AFF1: variants seen among roughly 807,000 people sequenced by gnomAD.
AFF1 encodes the protein AF4/FMR2 family member 1.
A neutral mutation model predicts 121.7 loss-of-function variants in AFF1; 48 were observed. The observed-to-expected ratio is 0.39, with a 90% CI of 0.31 to 0.50. The LOEUF is 0.50. Among genes scored for constraint, AFF1 ranks in the 20% least tolerant of loss-of-function variants. The pLI, the probability that AFF1 is intolerant of heterozygous loss-of-function variation, is 0.76. For synonymous variants in AFF1, 613 were observed against 563.0 expected, an observed-to-expected ratio of 1.09 and a Z score of -1.26; for missense variants, 1,523 against 1,511.7, an observed-to-expected ratio of 1.01 and a Z score of -0.12.
chr4:87,110,637 TA>T (rs963973376), intron 11 of AFF1, among the ~76,000 whole-genome samples: 3 of 151,856 alleles, frequency 2.0e-5, no homozygotes, highest in African/African-American at 4.8e-5. Context: ...ATGCTCTTTT[TA>T]AAAAAAAATT....
intron 2 of AFF1, among the ~76,000 whole-genome samples, chr4:87,025,187 A>G (rs1458669516): frequency 6.6e-6 from 1 of 152,200 alleles, no homozygotes; most frequent in Admixed American, 6.5e-5. Context: ...GGGGCACCAA[A>G]GCCTGTGCTC....
intron 2 of AFF1, among the ~76,000 whole-genome samples, chr4:86,991,718 C>G (rs1724737938): frequency 6.6e-6 from 1 of 151,578 alleles, no homozygotes; most frequent in Non-Finnish European, 1.5e-5. Context: ...TTAACTACAT[C>G]TTTAGTGTGG....
Position 87,114,498 on chromosome 4 carries a change from C to T in AFF1, c.1665C>T (p.Ser555=), listed in dbSNP as rs1726872578. Residue 555 remains serine (S), a synonymous_variant, in exon 12 of 21, where the codon AGC becomes AGT. Coordinates refer to ENST00000395146, the MANE Select transcript of AFF1 (RefSeq NM_001166693.3). ...PRRHPESKGS[S]DSATSQEHSE... ...GGCACCCAGAGAGTAAGGGCAGCAG[C>T]GACAGTGCCACGAGTCAGGAGCATT... 16 of 1,613,692 alleles carry T rather than the reference C, an allele frequency of 9.9e-6. No individual in the cohort carries two copies. Among genetic ancestry groups the T allele is most frequent in the Non-Finnish European group, 1.3e-5 (15 of 1,179,968 alleles).
At position 87,046,708 on chromosome 4, in the gene AFF1, A is replaced by G; in HGVS notation, c.173A>G (p.Asp58Gly). The part of the protein sequence containing the change: ...FGEPYKTAKG[D>G]ELSSRIQNML... ...CTTTTTTTTCAGACAGCAAAAGGTG[A>G]TGAGCTGTCTAGTCGAATACAGAAC... The change falls in exon 4 of 21, where the codon GAT (aspartate) becomes GGT (glycine). Residue 58 changes from aspartate to glycine, a missense_variant. This residue lies in a region of AFF1 where 369 missense variants were observed against 367.2 expected (regional missense o/e 1.00). Coordinates refer to ENST00000395146, the MANE Select transcript of AFF1 (RefSeq NM_001166693.3). The G allele has an allele frequency of 6.2e-7, 1 of 1,608,706 alleles. No homozygotes were observed. Among genetic ancestry groups the G allele is most frequent in the Non-Finnish European group, 8.5e-7 (1 of 1,175,980 alleles).
Position 87,039,543 on chromosome 4 carries a change from T to A in AFF1, c.39-6623T>A, listed in dbSNP as rs186992612. Among the ~76,000 whole-genome samples the A allele has an allele frequency of 9.2e-5, 14 of 152,348 alleles. No homozygotes were observed. In the East Asian group the frequency reaches 2.1e-3, roughly 23 times the overall value. On this transcript the variant is annotated intron_variant, in intron 2 of 20. Coordinates refer to ENST00000395146, the MANE Select transcript of AFF1 (RefSeq NM_001166693.3). ...CCCCCTTTCATGGCTTGAGTGTTTA[T>A]GTTCTGCAGGTGAGTTTTCACATGT...
At chr4:87,051,644 T>C (rs1731274379) in intron 4 of AFF1, among the ~76,000 whole-genome samples, 1 of 151,884 alleles carries the variant, frequency 6.6e-6, no homozygotes, top group South Asian at 2.1e-4. Flanking sequence ...GTGTATATAT[T>C]TTTTTATTCG....
At chr4:86,979,710 G>T (rs1461192251) in intron 2 of AFF1, among the ~76,000 whole-genome samples, 1 of 152,140 alleles carries the variant, frequency 6.6e-6, no homozygotes, top group Non-Finnish European at 1.5e-5. Flanking sequence ...ATCATATCTT[G>T]TCTATCGGAG....
At chr4:86,995,615 T>C (rs1199819158) in intron 2 of AFF1, among the ~76,000 whole-genome samples, 1 of 149,550 alleles carries the variant, frequency 6.7e-6, no homozygotes, top group African/African-American at 2.5e-5. Flanking sequence ...CACTCAGTGC[T>C]CAATGGTGCC....
At chr4:87,045,736 G>A (rs571409855) in intron 2 of AFF1, among the ~76,000 whole-genome samples, 11 of 152,188 alleles carry the variant, frequency 7.2e-5, no homozygotes, top group African/African-American at 2.6e-4. Context: ...CAAAATGTAC[G>A]CTACTGATCC....
chr4:86,969,274 C>T (rs919375564), intron 2 of AFF1, among the ~76,000 whole-genome samples: 1 of 151,270 alleles, frequency 6.6e-6, no homozygotes, highest in African/African-American at 2.4e-5. Flanking sequence ...GTCAGGAGAT[C>T]AAGACCCATC....
At chr4:87,062,677 C>T (rs1403870437) in intron 4 of AFF1, among the ~76,000 whole-genome samples, 1 of 152,102 alleles carries the variant, frequency 6.6e-6, no homozygotes, top group Non-Finnish European at 1.5e-5. Context: ...TTTAAACATT[C>T]ATCAGCATAC....
At position 87,135,848 on chromosome 4, in the gene AFF1, TCAA is replaced by T; in HGVS notation, c.*153_*155del. 2.4e-6 allele frequency: 3 copies of T among 1,240,582 alleles called. No homozygotes were observed. Among genetic ancestry groups the T allele is most frequent in the Non-Finnish European group, 3.2e-6 (3 of 929,466 alleles). The allele number at this position is 1,240,582 out of a possible 1,614,324, so 76.8% of individuals were successfully genotyped here. On this transcript the variant is annotated 3_prime_UTR_variant, in exon 21 of 21. Coordinates refer to ENST00000395146, the MANE Select transcript of AFF1 (RefSeq NM_001166693.3). ...CCAGGACATTTGTCCACTTAAACTC[TCAA>T]CAACAGTGTGATCATTGGTTGGACA...
chr4:87,082,577 G>A (rs1362608364), intron 4 of AFF1, among the ~76,000 whole-genome samples: 1 of 151,978 alleles, frequency 6.6e-6, no homozygotes, highest in African/African-American at 2.4e-5. Flanking sequence ...TTTTGAAACT[G>A]GGTTACGAGA....
intron 2 of AFF1, among the ~76,000 whole-genome samples, chr4:87,030,281 T>C (rs1385621120): frequency 1.3e-5 from 2 of 152,244 alleles, no homozygotes; most frequent in Admixed American, 1.3e-4. Flanking sequence ...AGCTCTGCTG[T>C]GGTGGGACCA....
At chr4:87,120,350 T>A (rs773829318) in intron 12 of AFF1, among the ~76,000 whole-genome samples, 27 of 152,214 alleles carry the variant, frequency 1.8e-4, no homozygotes, top group South Asian at 4.1e-4. Flanking sequence ...CTGTGTTGCA[T>A]GTGCTACCAA....
Position 87,046,690 on chromosome 4 carries a change from T to A in AFF1, c.160-5T>A. ...TTTCATTCTCAAATTCTCCTTTTTT[T>A]TCAGACAGCAAAAGGTGATGAGCTG... On this transcript the variant is annotated splice_polypyrimidine_tract_variant and splice_region_variant and intron_variant, in intron 3 of 20. Transcript: ENST00000395146. 3 of 1,581,506 alleles carry A rather than the reference T, an allele frequency of 1.9e-6. No individual in the cohort carries two copies. The highest frequency in any genetic ancestry group is 2.6e-6 in the Non-Finnish European group (3 of 1,165,242).
chr4:86,991,961 A>G (rs1724766575), intron 2 of AFF1, among the ~76,000 whole-genome samples: 1 of 151,924 alleles, frequency 6.6e-6, no homozygotes, highest in East Asian at 1.9e-4. Flanking sequence ...CCATGATAAT[A>G]CATTACTATT....
intron 8 of AFF1, among the ~76,000 whole-genome samples, chr4:87,102,758 T>C (rs1300183601): frequency 6.6e-6 from 1 of 152,250 alleles, no homozygotes; most frequent in African/African-American, 2.4e-5. Flanking sequence ...TTGAGCTTTC[T>C]GTTCTCTTGA....
At chr4:86,948,262 T>C (rs1159618017) in intron 1 of AFF1, among the ~76,000 whole-genome samples, 3 of 152,200 alleles carry the variant, frequency 2.0e-5, no homozygotes, top group Non-Finnish European at 4.4e-5. Context: ...GGTAAACTTG[T>C]GCACATTGTT....
Sources: gnomAD v4.1 joint callset for allele counts (sites outside exome capture counted in the v4.1 genomes callset) on GRCh38, gnomAD v4.1.1 for gene constraint, gnomAD v4.1.1 regional missense constraint, MANE v1.5 for transcripts, NCBI Gene and HGNC (gene_info 2026-07-23, HGNC 2026-07-21) for gene names.